TRIM49B: variants seen among roughly 807,000 people sequenced by gnomAD.
TRIM49B encodes putative tripartite motif-containing protein 49B.
Under a neutral mutation model 31.8 loss-of-function variants are expected in TRIM49B, and 18 were observed. The observed-to-expected ratio is 0.57, with a 90% CI of 0.39 to 0.84. The LOEUF (loss-of-function observed/expected upper bound fraction) is 0.84, where lower values mean the gene tolerates loss of function less well. TRIM49B is among the 40% of genes least tolerant of loss of function. TRIM49B has a pLI of 0.00. For missense variants in TRIM49B, 494 were observed against 538.7 expected, an observed-to-expected ratio of 0.92 and a Z score of 0.82; for synonymous variants, 196 against 180.6, an observed-to-expected ratio of 1.09 and a Z score of -0.68.
At chr11:49,031,450 T>G in intron 1 of TRIM49B, 146 bp from the exon 2 acceptor site, 1 of 1,434,360 alleles carries the variant, frequency 7.0e-7, no homozygotes, top group Non-Finnish European at 9.3e-7. Flanking sequence ...TGTGTAAATT[T>G]TTAAGTTTGT....
chr11:49,034,044 A>G, intron 3 of TRIM49B, 102 bp from the exon 4 acceptor site: 2 of 1,590,894 alleles, frequency 1.3e-6, no homozygotes, highest in Non-Finnish European at 1.7e-6. Flanking sequence ...GGCAAGACAG[A>G]GGTTTGAACT....
At chr11:49,029,262 A>G (rs1590633060) in intron 1 of TRIM49B, among the ~76,000 whole-genome samples, 1 of 152,180 alleles carries the variant, frequency 6.6e-6, no homozygotes, top group South Asian at 2.1e-4. Context: ...GTGTGTGTGT[A>G]TATGTATATA....
chr11:49,032,065 G>A, intron 2 of TRIM49B, 55 bp downstream of exon 2: 3 of 1,610,970 alleles, frequency 1.9e-6, no homozygotes, highest in Non-Finnish European at 2.5e-6. Context: ...AATTCCTGTG[G>A]GTCTATTTTC....
chr11:49,035,069 A>C, intron 4 of TRIM49B, 26 bp from the exon 5 acceptor site: 1 of 1,569,074 alleles, frequency 6.4e-7, no homozygotes, highest in Non-Finnish European at 8.6e-7. Context: ...AATGCACTAA[A>C]TCTCTCTTTT....
At chr11:49,032,881 A>G (rs1177162207) in intron 3 of TRIM49B, among the ~76,000 whole-genome samples, 10 of 152,212 alleles carry the variant, frequency 6.6e-5, no homozygotes, top group Admixed American at 1.3e-4. Context: ...ATATTGAAAA[A>G]TACATAACAT....
intron 2 of TRIM49B, 35 bp from the exon 3 acceptor site, chr11:49,032,241 C>T: frequency 3.7e-6 from 6 of 1,612,452 alleles, no homozygotes; most frequent in Non-Finnish European, 5.1e-6. Flanking sequence ...ATGTCATGGT[C>T]TGCACTGGTG....
chr11:49,035,857 A>C (rs1854522798), intron 5 of TRIM49B, among the ~76,000 whole-genome samples: 2 of 152,128 alleles, frequency 1.3e-5, no homozygotes, highest in Non-Finnish European at 2.9e-5. Flanking sequence ...AAAAAACTGG[A>C]GTGTTAGAAC....
intron 5 of TRIM49B, among the ~76,000 whole-genome samples, chr11:49,035,771 A>T (rs1393336103): frequency 3.3e-5 from 5 of 152,190 alleles, no homozygotes; most frequent in African/African-American, 1.2e-4. Context: ...GAAGTATTTT[A>T]GCAGTGAAAA....
Position 49,031,736 on chromosome 11 carries a change from G to T in TRIM49B, c.137G>T (p.Ser46Ile), listed in dbSNP as rs548925058. 21 of 1,613,988 alleles carry T rather than the reference G, an allele frequency of 1.3e-5. No homozygotes were observed. The African/African-American group carries it at 2.1e-4, about 16-fold the overall frequency. ...TGTTTCTACCTCAACTGGAAAGACA[G>T]CCCATTTCTTGTCCAGTGCTCTGAA... is the stretch of plus-strand genomic sequence containing the variant. ...RPCFYLNWKDSPFLVQCSECT... is the reference protein window; with the variant it reads ...RPCFYLNWKDIPFLVQCSECT... Residue 46 changes from serine to isoleucine, a missense_variant, in exon 2 of 7, where the codon AGC becomes ATC. Transcript: ENST00000332682.
chr11:49,036,448 G>A (rs1390977239), intron 6 of TRIM49B, 50 bp downstream of exon 6: 2 of 1,002,340 alleles, frequency 2.0e-6, no homozygotes, highest in Non-Finnish European at 2.9e-6. Context: ...TATTATTATT[G>A]TTAGGATCAC....
chr11:49,029,583 A>G (rs1024065609), intron 1 of TRIM49B, among the ~76,000 whole-genome samples: 2 of 152,250 alleles, frequency 1.3e-5, no homozygotes, highest in African/African-American at 4.8e-5. Flanking sequence ...TGAGTTCTGG[A>G]AAATATTTGC....
At chr11:49,034,743 AG>A (rs1854498388) in intron 4 of TRIM49B, among the ~76,000 whole-genome samples, 1 of 152,154 alleles carries the variant, frequency 6.6e-6, no homozygotes, top group Non-Finnish European at 1.5e-5. Flanking sequence ...TTGGGAATCT[AG>A]GTTTGCATTA....
chr11:49,035,492 G>C (rs28570188), intron 5 of TRIM49B, among the ~76,000 whole-genome samples: 3 of 150,996 alleles, frequency 2.0e-5, no homozygotes, highest in Admixed American at 2.0e-4. Context: ...CCCGAGTACC[G>C]GGGACTACAG....
At chr11:49,029,391 G>A (rs1854419506) in intron 1 of TRIM49B, among the ~76,000 whole-genome samples, 1 of 152,130 alleles carries the variant, frequency 6.6e-6, no homozygotes, top group African/African-American at 2.4e-5. Context: ...AATGATGAAC[G>A]ATGCAAAATA....
At chr11:49,037,350 C>G (rs577709329) in intron 6 of TRIM49B, 128 bp from the exon 7 acceptor site, 1 of 1,239,032 alleles carries the variant, frequency 8.1e-7, no homozygotes, top group African/African-American at 1.5e-5. Context: ...TTAACCATCT[C>G]TATACTTTAC....
intron 1 of TRIM49B, among the ~76,000 whole-genome samples, chr11:49,030,097 G>C (rs1854426436): frequency 6.6e-6 from 1 of 152,136 alleles, no homozygotes; most frequent in South Asian, 2.1e-4. Context: ...ACTTTGGAAA[G>C]CCAAAGCGGG....
In TRIM49B at chr11:49,034,145, G is replaced by T. The variant is rs1854489134; in HGVS notation, c.508-1G>T. ...TTTTGACTAACCCATTATCACTGCA[G>T]GATTATGTGAATTTAAGGCTAGAAG... is the stretch of plus-strand genomic sequence containing the variant. On this transcript the variant is annotated splice_acceptor_variant, in intron 3 of 6. Transcript: ENST00000332682. LOFTEE classifies it high-confidence loss of function. 4 of 1,611,698 alleles carry T rather than the reference G, an allele frequency of 2.5e-6. No homozygotes were observed. Among genetic ancestry groups the T allele is most frequent in the African/African-American group, 1.3e-5 (1 of 74,836 alleles).
chr11:49,034,180 C>A lies in TRIM49B; in HGVS notation c.542C>A (p.Ala181Asp). 6.2e-7 allele frequency: 1 copy of A among 1,611,850 alleles called. No homozygotes were observed. Residue 181 changes from alanine to aspartate, a missense_variant, in exon 4 of 7, where the codon GCT becomes GAT. This residue lies in a region of TRIM49B where 251 missense variants were observed against 232.8 expected (regional missense o/e 1.08). Transcript: ENST00000332682. ...YVNLRLEAIR[A>D]EYQKMPAFHH... ...AATTTAAGGCTAGAAGCAATTAGAGCTGAGTATCAGAAGATGCCTGCATTT... is the reference window on the plus strand; with the variant it reads ...AATTTAAGGCTAGAAGCAATTAGAGATGAGTATCAGAAGATGCCTGCATTT...
At chr11:49,033,738 T>C (rs959369715) in intron 3 of TRIM49B, among the ~76,000 whole-genome samples, 2 of 152,184 alleles carry the variant, frequency 1.3e-5, no homozygotes, top group African/African-American at 4.8e-5. Context: ...GACATGCTAG[T>C]CTAAGGTCAT....
Sources: gnomAD v4.1 joint callset for allele counts (sites outside exome capture counted in the v4.1 genomes callset) on GRCh38, gnomAD v4.1.1 for gene constraint, gnomAD v4.1.1 regional missense constraint, MANE v1.5 for transcripts, NCBI Gene and HGNC (gene_info 2026-07-23, HGNC 2026-07-21) for gene names.